Variants in PDE4D observed in about 807,000 individuals in gnomAD.
The protein encoded by PDE4D is phosphodiesterase 4D.
Under a neutral mutation model 87.4 loss-of-function variants are expected in PDE4D, and 24 were observed. That is an observed-to-expected ratio of 0.27 (90% CI 0.20 to 0.39). PDE4D has a LOEUF of 0.39. Ranked by LOEUF, PDE4D falls within the 10% of genes least tolerant of loss-of-function variation. PDE4D has a pLI of 1.00. For synonymous variants in PDE4D, 384 were observed against 383.2 expected, an observed-to-expected ratio of 1.00 and a Z score of -0.02; for missense variants, 714 against 1,041.0, an observed-to-expected ratio of 0.69 and a Z score of 4.32.
chr5:59,975,283 A>T (rs1409196167), intron 3 of PDE4D, among the ~76,000 whole-genome samples: 1 of 152,108 alleles, frequency 6.6e-6, no homozygotes, highest in Non-Finnish European at 1.5e-5. Flanking sequence ...TCAGTTCCTC[A>T]GCTACATCTT....
chr5:59,047,466 T>C (rs1317129304), intron 5 of PDE4D, among the ~76,000 whole-genome samples: 1 of 152,148 alleles, frequency 6.6e-6, no homozygotes, highest in Non-Finnish European at 1.5e-5. Flanking sequence ...AAAGAGGCCA[T>C]TAAAAATCTT....
intron 2 of PDE4D, among the ~76,000 whole-genome samples, chr5:60,161,072 A>C (rs1161868856): frequency 1.3e-5 from 2 of 152,248 alleles, no homozygotes; most frequent in East Asian, 1.9e-4. Context: ...TTCTAAAAGA[A>C]AGTAGAAGGA....
chr5:60,179,101 A>T (rs1204405135), intron 2 of PDE4D, among the ~76,000 whole-genome samples: 1 of 152,150 alleles, frequency 6.6e-6, no homozygotes, highest in Non-Finnish European at 1.5e-5. Context: ...TATTACCATA[A>T]AAGAGTTATA....
At chr5:60,350,533 A>G (rs1224211549) in intron 1 of PDE4D, among the ~76,000 whole-genome samples, 3 of 152,112 alleles carry the variant, frequency 2.0e-5, no homozygotes, top group Non-Finnish European at 4.4e-5. Flanking sequence ...GTTACATTCA[A>G]TGAGTGAAAA....
At chr5:60,313,185 GACAA>G (rs951678226) in intron 1 of PDE4D, among the ~76,000 whole-genome samples, 2 of 150,754 alleles carry the variant, frequency 1.3e-5, no homozygotes, top group Middle Eastern at 3.2e-3. Context: ...CCACTAGCTA[GACAA>G]ACAAAGAAAA....
chr5:59,220,883 A>C (rs1752406999), intron 1 of PDE4D, among the ~76,000 whole-genome samples: 1 of 152,022 alleles, frequency 6.6e-6, no homozygotes, highest in Non-Finnish European at 1.5e-5. Flanking sequence ...CCCAAGCAAA[A>C]AACTAGAAGT....
At chr5:60,363,711 G>A (rs1235114852) in intron 1 of PDE4D, among the ~76,000 whole-genome samples, 2 of 152,208 alleles carry the variant, frequency 1.3e-5, no homozygotes, top group Admixed American at 1.3e-4. Context: ...TATTTGACTT[G>A]AGACCCAAAT....
chr5:59,088,142 C>A (rs1000876761), intron 5 of PDE4D, among the ~76,000 whole-genome samples: 1 of 152,158 alleles, frequency 6.6e-6, no homozygotes, highest in Non-Finnish European at 1.5e-5. Context: ...TTAACTCATT[C>A]ATTTCTTCAT....
rs139612621 is a variant in PDE4D at position 59,472,633 on chromosome 5, A to G, written c.456-256665T>C. 6.6e-5 allele frequency among the ~76,000 whole-genome samples: 10 copies of G among 152,300 alleles called. No individual in the cohort carries two copies. The East Asian group carries it at 1.5e-3, about 24-fold the overall frequency. On this transcript the variant is annotated intron_variant, in intron 1 of 14. Coordinates refer to ENST00000340635, the MANE Select transcript of PDE4D (RefSeq NM_001104631.2). The stretch of plus-strand genomic sequence containing the variant: ...TTTATGAATTGATTTGACAGGTCAT[A>G]TAAGTCTCTTTATACTATTCATAAA...
intron 5 of PDE4D, among the ~76,000 whole-genome samples, chr5:59,155,836 C>T (rs1780099074): frequency 6.6e-6 from 1 of 152,050 alleles, no homozygotes; most frequent in Admixed American, 6.6e-5. Context: ...TTATGGATGT[C>T]AGTAAGAGAC....
intron 1 of PDE4D, among the ~76,000 whole-genome samples, chr5:59,226,177 T>G (rs1412873731): frequency 1.3e-5 from 2 of 152,166 alleles, no homozygotes; most frequent in Non-Finnish European, 2.9e-5. Context: ...GAGATCAGCA[T>G]GTCAAAGAGA....
intron 2 of PDE4D, among the ~76,000 whole-genome samples, chr5:60,029,968 C>T (rs567003306): frequency 6.6e-6 from 1 of 152,258 alleles, no homozygotes; most frequent in East Asian, 1.9e-4. Flanking sequence ...CTAAAATCCC[C>T]AATTAACCCA....
At chr5:59,771,082 T>C (rs1763386899) in intron 1 of PDE4D, among the ~76,000 whole-genome samples, 2 of 151,862 alleles carry the variant, frequency 1.3e-5, no homozygotes, top group Admixed American at 1.3e-4. Flanking sequence ...CATTGAGCCA[T>C]GATCATGCCA....
intron 2 of PDE4D, among the ~76,000 whole-genome samples, chr5:60,079,939 A>G (rs1452198090): frequency 6.6e-6 from 1 of 152,190 alleles, no homozygotes. Context: ...TGATGGGCAT[A>G]GCTCTGAATT....
intron 1 of PDE4D, among the ~76,000 whole-genome samples, chr5:60,396,687 CA>C (rs1479986912): frequency 6.6e-6 from 1 of 152,088 alleles, no homozygotes; most frequent in Non-Finnish European, 1.5e-5. Flanking sequence ...GCCACCATAA[CA>C]GGTCTGACTC....
At chr5:59,347,301 T>C (rs891606963) in intron 1 of PDE4D, among the ~76,000 whole-genome samples, 3 of 152,150 alleles carry the variant, frequency 2.0e-5, no homozygotes, top group East Asian at 3.9e-4. Context: ...TTCCAGTGGG[T>C]AATCCACAAA....
At chr5:59,468,367 C>A (rs1801910198) in intron 1 of PDE4D, among the ~76,000 whole-genome samples, 1 of 152,082 alleles carries the variant, frequency 6.6e-6, no homozygotes, top group Non-Finnish European at 1.5e-5. Context: ...TTTCAAAAGC[C>A]ATTTGTTCTA....
intron 1 of PDE4D, among the ~76,000 whole-genome samples, chr5:59,731,005 C>T (rs1004994774): frequency 6.6e-6 from 1 of 152,002 alleles, no homozygotes; most frequent in East Asian, 1.9e-4. Flanking sequence ...TAGTGGTGTC[C>T]ACTTAACTAT....
intron 11 of PDE4D, among the ~76,000 whole-genome samples, chr5:58,982,866 T>G (rs1328231156): frequency 6.6e-6 from 1 of 152,196 alleles, no homozygotes; most frequent in Non-Finnish European, 1.5e-5. Context: ...CCTATTCACT[T>G]GGTTATTAAA....
Sources: gnomAD v4.1 joint callset for allele counts (sites outside exome capture counted in the v4.1 genomes callset) on GRCh38, gnomAD v4.1.1 for gene constraint, MANE v1.5 for transcripts, NCBI Gene and HGNC (gene_info 2026-07-23, HGNC 2026-07-21) for gene names.